Variants in DCBLD2 observed in about 807,000 individuals in gnomAD.
The protein encoded by DCBLD2 is discoidin, CUB and LCCL domain containing 2.
DCBLD2 carries 54 observed loss-of-function variants against 86.8 expected under a neutral mutation model. The observed-to-expected ratio is 0.62, with a 90% CI of 0.50 to 0.78. The LOEUF (loss-of-function observed/expected upper bound fraction) is 0.78, where lower values mean the gene tolerates loss of function less well. Ranked by LOEUF, DCBLD2 falls within the 30% of genes least tolerant of loss-of-function variation. DCBLD2 has a pLI of 0.00. For missense variants in DCBLD2, 908 were observed against 954.2 expected (o/e 0.95, Z 0.64); for synonymous variants, 354 against 341.3 (o/e 1.04, Z -0.41).
At chr3:98,808,247 T>C (rs1941876784) in intron 12 of DCBLD2, 73 bp from the exon 13 acceptor site, 1 of 1,297,428 alleles carries the variant, frequency 7.7e-7, no homozygotes, top group African/African-American at 1.5e-5. Flanking sequence ...CTAGGGAAAA[T>C]TAACCACATC....
chr3:98,831,443 C>A (rs1015574687), intron 3 of DCBLD2, among the ~76,000 whole-genome samples: 5 of 152,032 alleles, frequency 3.3e-5, no homozygotes, highest in Admixed American at 3.3e-4. Flanking sequence ...GAATGTTTTT[C>A]TGCGTCTCAC....
chr3:98,897,643 T>C (rs1172907591), intron 1 of DCBLD2, among the ~76,000 whole-genome samples: 9 of 152,156 alleles, frequency 5.9e-5, no homozygotes, highest in African/African-American at 1.7e-4. Flanking sequence ...TGGTTCCAAA[T>C]ATGTTCAAAT....
At chr3:98,870,810 A>AAAGGAAGAAAGG (rs1553731734) in intron 2 of DCBLD2, among the ~76,000 whole-genome samples, 2 of 131,580 alleles carry the variant, frequency 1.5e-5, no homozygotes, top group African/African-American at 5.8e-5. Flanking sequence ...AGAAAGAAAG[A>AAAGGAAGAAAGG]AAGGTAGGCA....
At chr3:98,870,766 AAAG>A (rs1294352050) in intron 2 of DCBLD2, among the ~76,000 whole-genome samples, 1 of 147,060 alleles carries the variant, frequency 6.8e-6, no homozygotes, top group Non-Finnish European at 1.5e-5. Context: ...AGAAAGAAAG[AAAG>A]AAAGAAAGAA....
chr3:98,833,490 A>C (rs1942363032), intron 3 of DCBLD2, among the ~76,000 whole-genome samples: 1 of 152,212 alleles, frequency 6.6e-6, no homozygotes. Context: ...TGCAATCGTT[A>C]GGAGGACATA....
rs368040324 is a variant in DCBLD2 at position 98,901,193 on chromosome 3, A to G, written c.134T>C (p.Phe45Ser). The part of the protein sequence containing the change: ...SLPPCSNSSS[F>S]SMPLFLLLLL... ...GAGCAGGAGGAACAGAGGCATGGAG[A>G]AGGAGGAGGAGTTGGAGCAGGGAGG... The change falls in exon 1 of 16, where the codon TTC (phenylalanine) becomes TCC (serine). Residue 45 changes from phenylalanine to serine, a missense_variant. Around this residue, in one of 3 missense-constraint regions of DCBLD2, gnomAD observed 294 missense variants for 256.0 expected, o/e 1.15. Coordinates refer to ENST00000326840, the MANE Select transcript of DCBLD2 (RefSeq NM_080927.4). 3.5e-5 allele frequency: 54 copies of G among 1,536,812 alleles called. No homozygotes were observed. The highest frequency in any genetic ancestry group is 1.8e-4 in the Middle Eastern group (1 of 5,452).
Position 98,811,278 on chromosome 3 carries a change from T to C in DCBLD2, c.1492A>G (p.Ser498Gly). The C allele has an allele frequency of 1.9e-6, 3 of 1,613,068 alleles. No homozygotes were observed. The highest frequency in any genetic ancestry group is 2.5e-6 in the Non-Finnish European group (3 of 1,179,496). ...KFTQPLQPRS[S>G]NEFPAQTEQT... ...TCTGTCTGTGCAGGAAATTCATTGC[T>C]ACTGCGAGGTTGTAGTGGTTGCGTA... Residue 498 changes from serine (S) to glycine (G), a missense_variant, in exon 12 of 16, where the codon AGC becomes GGC. Physicochemically the swap from Ser to Gly is moderately conservative, Grantham distance 56. Coordinates refer to ENST00000326840, the MANE Select transcript of DCBLD2 (RefSeq NM_080927.4).
At chr3:98,851,695 A>C (rs1204828690) in intron 2 of DCBLD2, among the ~76,000 whole-genome samples, 2 of 152,272 alleles carry the variant, frequency 1.3e-5, no homozygotes, top group Non-Finnish European at 2.9e-5. Context: ...ACAAGGCTAC[A>C]GTAACCCAAA....
intron 3 of DCBLD2, among the ~76,000 whole-genome samples, chr3:98,827,122 T>C (rs1166548414): frequency 1.3e-5 from 2 of 152,180 alleles, no homozygotes; most frequent in African/African-American, 2.4e-5. Flanking sequence ...CACAGGCATT[T>C]GAATGACAGT....
chr3:98,858,160 G>A (rs1447229966), intron 2 of DCBLD2, among the ~76,000 whole-genome samples: 2 of 152,256 alleles, frequency 1.3e-5, no homozygotes, highest in Admixed American at 6.5e-5. Flanking sequence ...AGCAGCTGCT[G>A]GCCCAGGTGC....
chr3:98,816,496 A>G (rs1942026461), intron 9 of DCBLD2, among the ~76,000 whole-genome samples: 1 of 152,194 alleles, frequency 6.6e-6, no homozygotes, highest in South Asian at 2.1e-4. Context: ...GGCATGAGGT[A>G]GAAGATATGT....
intron 2 of DCBLD2, among the ~76,000 whole-genome samples, chr3:98,850,130 C>G (rs1942807385): frequency 6.6e-6 from 1 of 152,160 alleles, no homozygotes; most frequent in Non-Finnish European, 1.5e-5. Context: ...AACTCACAAG[C>G]TTAACCTTCC....
chr3:98,820,133 T>G, intron 7 of DCBLD2, 115 bp downstream of exon 7: 1 of 541,696 alleles, frequency 1.8e-6, no homozygotes. Flanking sequence ...TACCTCATAG[T>G]GTTATTAAGA....
At chr3:98,849,397 A>G (rs752053234) in intron 3 of DCBLD2, 64 bp downstream of exon 3, 8 of 1,603,094 alleles carry the variant, frequency 5.0e-6, no homozygotes, top group Non-Finnish European at 5.1e-6. Flanking sequence ...ACTTAAAAAA[A>G]GCATTTTATT....
At chr3:98,851,500 T>TG (rs2107486660) in intron 2 of DCBLD2, among the ~76,000 whole-genome samples, 1 of 152,184 alleles carries the variant, frequency 6.6e-6, no homozygotes, top group South Asian at 2.1e-4. Flanking sequence ...ATCAGGAAAA[T>TG]GGCCATAATG....
rs889391762 is a variant in DCBLD2 at position 98,901,071 on chromosome 3, C to A, written c.205+51G>T. ...AGATTTGTTCAGGGGCCAAGAGACC[C>A]GCAGCCCCGACGGAGGTTCCCCCGC... On this transcript the variant is annotated intron_variant, in intron 1 of 15. Coordinates refer to ENST00000326840, the MANE Select transcript of DCBLD2 (RefSeq NM_080927.4). 11 of 1,535,896 alleles carry A rather than the reference C, an allele frequency of 7.2e-6. No homozygotes were observed. The Admixed American group carries it at 1.6e-4, about 22-fold the overall frequency.
chr3:98,843,468 C>A (rs918288357), intron 3 of DCBLD2, among the ~76,000 whole-genome samples: 4 of 152,090 alleles, frequency 2.6e-5, no homozygotes, highest in African/African-American at 7.2e-5. Context: ...AATTCACACT[C>A]TATTTTCAAA....
In DCBLD2 at chr3:98,900,198, G is replaced by C. The variant is rs112702958; in HGVS notation, c.205+924C>G. ...AAACCATGAGAGCAACATAAAGCTG[G>C]GCTTAAAGGCAGAGAACAATTTTCT... On this transcript the variant is annotated intron_variant, in intron 1 of 15. Transcript: ENST00000326840. 1.3e-3 allele frequency among the ~76,000 whole-genome samples: 197 copies of C among 152,190 alleles called. 1 individual carries two copies. In the East Asian group the frequency reaches 0.016, roughly 13 times the overall value.
Position 98,822,651 on chromosome 3 carries a change from A to C in DCBLD2, c.696+18T>G, listed in dbSNP as rs1287542342. On this transcript the variant is annotated intron_variant, in intron 5 of 15. Coordinates refer to ENST00000326840, the MANE Select transcript of DCBLD2 (RefSeq NM_080927.4). ...AGAGTTATATCACAATTTTCAAATA[A>C]GTTTATATCTGGCTTACATCTCTAT... The C allele has an allele frequency of 1.3e-6, 2 of 1,549,224 alleles. No homozygotes were observed. Among genetic ancestry groups the C allele is most frequent in the Admixed American group, 4.2e-5 (2 of 47,784 alleles).
Sources: allele counts gnomAD v4.1 joint callset (sites outside exome capture counted in the v4.1 genomes callset), GRCh38; gene constraint gnomAD v4.1.1; regional missense constraint gnomAD v4.1.1; transcripts MANE v1.5; gene names NCBI Gene and HGNC (gene_info 2026-07-23, HGNC 2026-07-21).